The following RIBC1 variants were observed in gnomAD, a reference collection of about 807,000 sequenced individuals.
The protein encoded by RIBC1 is RIB43A-like with coiled-coils protein 1.
A neutral mutation model predicts 33.7 loss-of-function variants in RIBC1; 12 were observed. That is an observed-to-expected ratio of 0.36 (90% CI 0.23 to 0.58). The LOEUF is 0.58. Among genes scored for constraint, RIBC1 ranks in the 20% least tolerant of loss-of-function variants. The probability of loss-of-function intolerance (pLI) is 0.81; values close to 1 mark genes in which losing one functional copy is unlikely to be tolerated. For synonymous variants in RIBC1, 89 were observed against 109.0 expected, an observed-to-expected ratio of 0.82 and a Z score of 1.14; for missense variants, 242 against 311.6, an observed-to-expected ratio of 0.78 and a Z score of 1.68.
chrX:53,426,508 A>G, intron 3 of RIBC1, 115 bp downstream of exon 3: 1 of 526,355 alleles, frequency 1.9e-6, no homozygotes, highest in Non-Finnish European at 3.2e-6. Flanking sequence ...GTAGGCCCCT[A>G]GGGCAGGAAA....
chrX:53,426,315 A>G lies in RIBC1; in HGVS notation c.39A>G (p.Ala13=). The part of the protein sequence containing the change: ...NIKQSTDTKE[A]AAIEARRNRE... ...AACAGTCAACAGATACCAAGGAAGC[A>G]GCAGCCATCGAGGCTAGAAGAAATC... Residue 13 remains alanine, a synonymous_variant, in exon 3 of 8, where the codon GCA becomes GCG. Transcript: ENST00000375327. The G allele has an allele frequency of 8.3e-7, 1 of 1,210,086 alleles. No individual in the cohort carries two copies.
Position 53,430,435 on chromosome X carries a change from C to T in RIBC1, c.703C>T (p.Arg235Cys), listed in dbSNP as rs1236716903. The part of the protein sequence containing the change: ...QAGRQRCERQ[R>C]EQKANLAEIQ... ...TGGGCGTCAGCGCTGTGAGCGTCAG[C>T]GTGAACAGAAGGCCAACCTTGCGGA... The change falls in exon 7 of 8, where the codon CGT becomes TGT. Residue 235 changes from arginine to cysteine, a missense_variant. Physicochemically the swap from Arg to Cys is radical, Grantham distance 180. Transcript: ENST00000375327. 9.9e-6 allele frequency: 12 copies of T among 1,211,207 alleles called. No homozygotes were observed. Among genetic ancestry groups the T allele is most frequent in the South Asian group, 5.3e-5 (3 of 56,956 alleles).
chrX:53,423,082 C>G (rs2075769865), intron 1 of RIBC1, 78 bp downstream of exon 1: 1 of 170,998 alleles, frequency 5.8e-6, no homozygotes, highest in Admixed American at 7.4e-5. Flanking sequence ...TGGAAGGACC[C>G]GGGGGGAGCG....
chrX:53,431,002 ATC>A lies in RIBC1; in HGVS notation c.*23_*24del, dbSNP rs781806030. The A allele has an allele frequency of 6.6e-6, 8 of 1,211,598 alleles. No individual in the cohort carries two copies. The South Asian group carries it at 1.4e-4, about 21-fold the overall frequency. ...AGCAGCCGCTAAGTTCAGGATGTCT[ATC>A]TCTCTCTCCCTTCTCCTCCATCAAG... On this transcript the variant is annotated 3_prime_UTR_variant, in exon 8 of 8. Transcript: ENST00000375327.
At chrX:53,426,743 T>G (rs2075794204) in intron 3 of RIBC1, among the ~76,000 whole-genome samples, 1 of 112,164 alleles carries the variant, frequency 8.9e-6, no homozygotes, top group South Asian at 3.7e-4. Flanking sequence ...CCCAGCACTT[T>G]AGGAGGCTGA....
intron 6 of RIBC1, 49 bp from the exon 7 acceptor site, chrX:53,430,347 G>T (rs1287702811): frequency 2.1e-5 from 23 of 1,071,716 alleles, no homozygotes; most frequent in Non-Finnish European, 2.9e-5. Flanking sequence ...CTGTGACAGA[G>T]TTCCCTGAGG....
chrX:53,427,955 C>T (rs2075800691), intron 3 of RIBC1, 48 bp from the exon 4 acceptor site: 38 of 1,064,034 alleles, frequency 3.6e-5, no homozygotes, highest in Non-Finnish European at 4.9e-5. Context: ...ACATTGAAGG[C>T]CCCCTGCTGG....
Position 53,428,456 on chromosome X carries a change from A to G in RIBC1, c.373A>G (p.Thr125Ala). 4 of 1,210,101 alleles carry G rather than the reference A, an allele frequency of 3.3e-6. No homozygotes were observed. The highest frequency in any genetic ancestry group is 4.5e-6 in the Non-Finnish European group (4 of 894,618). ...AGGCCAAGTCTGGAAGGGGCTTCCA[A>G]CCTATCTTAGTTACAGTAATACCTA... ...DPGQVWKGLP[T>A]YLSYSNTYPG... Residue 125 changes from threonine to alanine, a missense_variant, in exon 5 of 8, where the codon ACC (threonine) becomes GCC (alanine). Coordinates refer to ENST00000375327, the MANE Select transcript of RIBC1 (RefSeq NM_001031745.5).
intron 2 of RIBC1, among the ~76,000 whole-genome samples, chrX:53,425,505 G>T (rs2075785893): frequency 1.1e-4 from 3 of 26,425 alleles, no homozygotes; most frequent in Non-Finnish European, 2.3e-4. Context: ...CAGAAAATAA[G>T]TAATAAAAGT....
chrX:53,428,663 G>A (rs782516601), intron 5 of RIBC1, 36 bp downstream of exon 5: 5 of 1,203,585 alleles, frequency 4.2e-6, no homozygotes, highest in Non-Finnish European at 5.6e-6. Context: ...AGAGACCTGA[G>A]GCCTAGTGGG....
At chrX:53,428,256 C>T (rs1556893546) in intron 4 of RIBC1, 27 bp from the exon 5 acceptor site, 2 of 1,204,920 alleles carry the variant, frequency 1.7e-6, no homozygotes. Flanking sequence ...GGGGTATCTT[C>T]TCCATATCCT....
At chrX:53,426,881 G>A (rs2075794932) in intron 3 of RIBC1, among the ~76,000 whole-genome samples, 1 of 111,494 alleles carries the variant, frequency 9.0e-6, no homozygotes, top group African/African-American at 3.3e-5. Context: ...AGCTACTTGG[G>A]AGGCTGAAGC....
intron 5 of RIBC1, chrX:53,428,869 C>T: frequency 1.0e-6 from 1 of 986,398 alleles, no homozygotes; most frequent in African/African-American, 1.9e-5. Flanking sequence ...TGCAGACAGA[C>T]CTAATGGCTC....
At chrX:53,426,831 C>T (rs1388540766) in intron 3 of RIBC1, among the ~76,000 whole-genome samples, 2 of 111,734 alleles carry the variant, frequency 1.8e-5, no homozygotes, top group Middle Eastern at 4.6e-3. Flanking sequence ...ACTGAAAATA[C>T]AAAAATTAGC....
In RIBC1 at chrX:53,430,725, G is replaced by T. The variant is rs140071753; in HGVS notation, c.993G>T (p.Leu331Phe). 6.0e-5 allele frequency: 72 copies of T among 1,202,330 alleles called. No homozygotes were observed. The highest frequency in any genetic ancestry group is 7.7e-5 in the Non-Finnish European group (69 of 890,932). ...AGCTAGAAGAGCAGGAGAGGGAATT[G>T]TGTGCTGTATTTCAAAGGGGTCTAG... The part of the protein sequence containing the change: ...VLELEEQERE[L>F]CAVFQRGLGS... Residue 331 changes from leucine to phenylalanine, a missense_variant, in exon 7 of 8, where the codon TTG (leucine) becomes TTT (phenylalanine). Leu to Phe is a conservative substitution (Grantham distance 22, BLOSUM62 0). Transcript: ENST00000375327.
chrX:53,428,844 G>A (rs2075806256), intron 5 of RIBC1: 3 of 1,064,182 alleles, frequency 2.8e-6, no homozygotes, highest in Admixed American at 3.9e-5. Flanking sequence ...ACTCCATTAC[G>A]TGGAGGCAGC....
intron 2 of RIBC1, among the ~76,000 whole-genome samples, chrX:53,423,726 A>T (rs1400365737): frequency 8.9e-6 from 1 of 111,817 alleles, no homozygotes; most frequent in East Asian, 2.8e-4. Flanking sequence ...TTAACTATTT[A>T]TTAAATTATG....
In RIBC1 at chrX:53,430,454, T is replaced by C. The variant is rs782267721; in HGVS notation, c.722T>C (p.Leu241Pro). The change falls in exon 7 of 8, where the codon CTT becomes CCT. Residue 241 changes from leucine (L) to proline (P), a missense_variant. Leu to Pro is a moderately conservative substitution (Grantham distance 98). Coordinates refer to ENST00000375327, the MANE Select transcript of RIBC1 (RefSeq NM_001031745.5). ...CERQREQKAN[L>P]AEIQHQSTSD... is the part of the protein sequence containing the mutation. The stretch of plus-strand genomic sequence containing the variant: ...CGTCAGCGTGAACAGAAGGCCAACC[T>C]TGCGGAGATCCAGCACCAGAGCACG... 10 of 1,209,569 alleles carry C rather than the reference T, an allele frequency of 8.3e-6. No individual in the cohort carries two copies. Among genetic ancestry groups the C allele is most frequent in the South Asian group, 5.3e-5 (3 of 56,807 alleles).
Position 53,428,846 on chromosome X carries a change from G to T in RIBC1, c.544+219G>T, listed in dbSNP as rs1556893677. ...TGATTAGTTTGGCACTCCATTACGT[G>T]GAGGCAGCACAGTGCAGACAGACCT... On this transcript the variant is annotated intron_variant, in intron 5 of 7. Coordinates refer to ENST00000375327, the MANE Select transcript of RIBC1 (RefSeq NM_001031745.5). The T allele has an allele frequency of 4.7e-6, 5 of 1,063,394 alleles. No homozygotes were observed. In the East Asian group the frequency reaches 1.7e-4, roughly 36 times the overall value. 87.6% of individuals were successfully genotyped at this position (1,063,394 alleles called of 1,213,427 possible). A position where few individuals can be genotyped will look rare whatever the true frequency, so the allele number is the denominator to read the frequency against.
Sources: allele counts gnomAD v4.1 joint callset (sites outside exome capture counted in the v4.1 genomes callset), GRCh38; gene constraint gnomAD v4.1.1; transcripts MANE v1.5; gene names NCBI Gene and HGNC (gene_info 2026-07-23, HGNC 2026-07-21).